TP53BP1: variants seen among roughly 807,000 people sequenced by gnomAD.
The protein encoded by TP53BP1 is TP53-binding protein 1.
Under a neutral mutation model 200.8 loss-of-function variants are expected in TP53BP1, and 61 were observed. That is an observed-to-expected ratio of 0.30 (90% CI 0.25 to 0.38). TP53BP1 has a LOEUF of 0.38. TP53BP1 is among the 10% of genes least tolerant of loss of function. The pLI is 1.00. For missense variants in TP53BP1, 2,144 were observed against 2,371.9 expected (o/e 0.90, Z 2.00); for synonymous variants, 822 against 844.3 (o/e 0.97, Z 0.46).
At chr15:43,434,437 T>C (rs1167993357) in intron 16 of TP53BP1, among the ~76,000 whole-genome samples, 1 of 152,230 alleles carries the variant, frequency 6.6e-6, no homozygotes, top group Non-Finnish European at 1.5e-5. Flanking sequence ...AATTCAATTA[T>C]TGTTGTTTCC....
At chr15:43,440,007 C>A (rs1399953713) in intron 15 of TP53BP1, among the ~76,000 whole-genome samples, 2 of 152,110 alleles carry the variant, frequency 1.3e-5, no homozygotes, top group Non-Finnish European at 2.9e-5. Context: ...ATACTAATAG[C>A]CCAATGAGGA....
chr15:43,461,128 C>T (rs1157207204), intron 11 of TP53BP1, among the ~76,000 whole-genome samples: 6 of 152,018 alleles, frequency 3.9e-5, no homozygotes, highest in East Asian at 1.9e-4. Context: ...AATGAAAGCA[C>T]ACTAATACTT....
Position 43,408,909 on chromosome 15 carries a change from C to CTT in TP53BP1, c.5586_5587dup (p.Arg1863LysfsTer16). ...TTCAAATACTTACCAGTCCAGAATT[C>CTT]TTTGCTCCTCAAGGCTGTACCCAGC... is the stretch of plus-strand genomic sequence containing the variant. On this transcript the variant is annotated frameshift_variant, in exon 26 of 28. Coordinates refer to ENST00000382044, the MANE Select transcript of TP53BP1 (RefSeq NM_001141980.3). LOFTEE classifies it high-confidence loss of function. 1 of 1,614,164 alleles carries CTT rather than the reference C, an allele frequency of 6.2e-7. No individual in the cohort carries two copies. Among genetic ancestry groups the CTT allele is most frequent in the Non-Finnish European group, 8.5e-7 (1 of 1,180,016 alleles).
In TP53BP1 at chr15:43,409,727, G is replaced by A. The variant is rs143892737; in HGVS notation, c.5320C>T (p.Pro1774Ser). 5 of 1,534,570 alleles carry A rather than the reference G, an allele frequency of 3.3e-6. No homozygotes were observed. In the African/African-American group the frequency reaches 7.1e-5, roughly 22 times the overall value. ...SEEEEEFLEI[P>S]PFNKQYTESQ... Reference sequence around the variant, plus strand: ...TCTGTATACTGCTTGTTGAAAGGAGGAATTTCCAAAAATTCTATATTAAAA... The same window carrying A: ...TCTGTATACTGCTTGTTGAAAGGAGAAATTTCCAAAAATTCTATATTAAAA... The change falls in exon 25 of 28, where the codon CCT (proline) becomes TCT (serine). Residue 1774 changes from proline to serine, a missense_variant. Physicochemically the swap from Pro to Ser is moderately conservative, Grantham distance 74 (BLOSUM62 -1). This residue lies in a region of TP53BP1 where 334 missense variants were observed against 453.4 expected (regional missense o/e 0.74). Transcript: ENST00000382044.
Position 43,492,317 on chromosome 15 carries a change from A to G in TP53BP1, c.159T>C (p.Pro53=), listed in dbSNP as rs779639606. The G allele has an allele frequency of 9.3e-6, 15 of 1,614,050 alleles. No individual in the cohort carries two copies. The Admixed American group carries it at 2.3e-4, about 25-fold the overall frequency. ...GATTTTCTTTGTGCGTCTGGAGATT[A>G]GGAAGGTGTCGAGATAGCATACTGA... ...SHFSMLSRHL[P]NLQTHKENPV... Residue 53 remains proline, a synonymous_variant, in exon 2 of 28, where the codon CCT becomes CCC. Transcript: ENST00000382044.
At chr15:43,421,696 A>G (rs2045402457) in intron 19 of TP53BP1, 159 bp downstream of exon 19, 1 of 1,101,426 alleles carries the variant, frequency 9.1e-7, no homozygotes, top group Non-Finnish European at 1.3e-6. Flanking sequence ...TTCCCACACA[A>G]ACCCAAAACA....
intron 16 of TP53BP1, among the ~76,000 whole-genome samples, chr15:43,435,726 T>C (rs1297592967): frequency 1.3e-5 from 2 of 152,044 alleles, no homozygotes; most frequent in Non-Finnish European, 2.9e-5. Context: ...GACATAACTC[T>C]CACTCTCTCG....
Position 43,480,961 on chromosome 15 carries a change from C to G in TP53BP1, c.433G>C (p.Glu145Gln), listed in dbSNP as rs1169798035. ...TCTTCCTTCTCTTTCTCCTTCTGTTCCAACTCTTCTCCCTTCTCTTCCTCC... is the reference window on the plus strand; with the variant it reads ...TCTTCCTTCTCTTTCTCCTTCTGTTGCAACTCTTCTCCCTTCTCTTCCTCC... ...AVEEEKGEELEQKEKEKEEDT... is the reference protein window; with the variant it reads ...AVEEEKGEELQQKEKEKEEDT... The change falls in exon 5 of 28, where the codon GAA becomes CAA. Residue 145 changes from glutamate to glutamine, a missense_variant. By Grantham distance (29) the Glu-to-Gln change is conservative. Transcript: ENST00000382044. The G allele has an allele frequency of 1.2e-6, 2 of 1,613,938 alleles. No individual in the cohort carries two copies. Among genetic ancestry groups the G allele is most frequent in the Non-Finnish European group, 1.7e-6 (2 of 1,179,966 alleles).
rs779092907 is a variant in TP53BP1, at chr15:43,420,743, G to A, written c.4251-8C>T. 42 of 1,608,642 alleles carry A rather than the reference G, an allele frequency of 2.6e-5. No homozygotes were observed. The highest frequency in any genetic ancestry group is 3.5e-5 in the Non-Finnish European group (41 of 1,177,274). ...CCAGGCACAGCTGTTTCTCTAAAGA[G>A]AGATAGGGGATAGGAGAAGCCGGTG... On this transcript the variant is annotated splice_polypyrimidine_tract_variant and splice_region_variant and intron_variant, in intron 20 of 27. Transcript: ENST00000382044.
intron 26 of TP53BP1, 191 bp downstream of exon 26, chr15:43,408,705 CA>C (rs1340250917): frequency 1.7e-6 from 1 of 593,684 alleles, no homozygotes; most frequent in African/African-American, 1.9e-5. Context: ...CACACATTTG[CA>C]AAAGGTTCCT....
At chr15:43,503,052 C>G (rs2079218078) in intron 1 of TP53BP1, among the ~76,000 whole-genome samples, 1 of 152,228 alleles carries the variant, frequency 6.6e-6, no homozygotes, top group African/African-American at 2.4e-5. Flanking sequence ...CTTGCCCGGC[C>G]TATCTTGTGT....
At chr15:43,454,575 C>T (rs2046250256) in intron 12 of TP53BP1, among the ~76,000 whole-genome samples, 1 of 151,882 alleles carries the variant, frequency 6.6e-6, no homozygotes. Context: ...GTTGGTCAGG[C>T]TAGTCTCAAA....
rs749486979 is a variant in TP53BP1 at position 43,421,173 on chromosome 15, G to A, written c.4102C>T (p.Pro1368Ser). 5 of 1,613,524 alleles carry A rather than the reference G, an allele frequency of 3.1e-6. No homozygotes were observed. The highest frequency in any genetic ancestry group is 1.7e-5 in the Admixed American group (1 of 59,906). ...SSRGGPGKLS[P>S]RKGVSQTGTP... The stretch of plus-strand genomic sequence containing the variant: ...CCTGTCTGACTGACCCCTTTTCTAG[G>A]ACTAGAGAATGAAGACAAGTTAGTC... The change falls in exon 20 of 28, where the codon CCT (proline) becomes TCT (serine). Residue 1368 changes from proline to serine, a missense_variant and splice_region_variant. Transcript: ENST00000382044.
intron 10 of TP53BP1, among the ~76,000 whole-genome samples, chr15:43,472,667 A>G (rs1029559460): frequency 4.6e-5 from 7 of 152,376 alleles, no homozygotes; most frequent in African/African-American, 1.7e-4. Context: ...TTCTCACCAG[A>G]AATGTGTTCA....
upstream of TP53BP1, chr15:43,493,202 C>T (rs914033271): frequency 1.2e-5 from 17 of 1,458,892 alleles, 1 homozygote; most frequent in Middle Eastern, 1.8e-4. Flanking sequence ...CCATTCGCTG[C>T]CGCCGCCCGC....
At chr15:43,453,454 T>C (rs1426965432) in intron 12 of TP53BP1, among the ~76,000 whole-genome samples, 1 of 152,066 alleles carries the variant, frequency 6.6e-6, no homozygotes, top group Non-Finnish European at 1.5e-5. Flanking sequence ...CTCACCTCTA[T>C]CATTAACTAG....
At chr15:43,465,551 G>T (rs2046555237) in intron 11 of TP53BP1, among the ~76,000 whole-genome samples, 1 of 151,996 alleles carries the variant, frequency 6.6e-6, no homozygotes. Flanking sequence ...ATTAAAAAAA[G>T]AAGAAGAACA....
intron 18 of TP53BP1, among the ~76,000 whole-genome samples, chr15:43,425,428 T>C (rs1023815211): frequency 6.6e-6 from 1 of 152,056 alleles, no homozygotes; most frequent in African/African-American, 2.4e-5. Flanking sequence ...TCAAGACCAG[T>C]CTGGGCAACA....
At position 43,485,810 on chromosome 15, in the gene TP53BP1, C is replaced by A. The variant is rs369005969; in HGVS notation, c.372-4788G>T. On this transcript the variant is annotated intron_variant, in intron 4 of 27. Transcript: ENST00000382044. ...GTGAGCCAAGATGGTGGTGCCACTG[C>A]GCTCCAGCCTGGGCAACAAAGCAAG... is the stretch of plus-strand genomic sequence containing the variant. Among the ~76,000 whole-genome samples, 6 of 151,760 alleles carry A rather than the reference C, an allele frequency of 4.0e-5. No individual in the cohort carries two copies. The South Asian group carries it at 6.2e-4, about 16-fold the overall frequency.
Sources: allele counts gnomAD v4.1 joint callset (sites outside exome capture counted in the v4.1 genomes callset), GRCh38; gene constraint gnomAD v4.1.1; regional missense constraint gnomAD v4.1.1; transcripts MANE v1.5; gene names NCBI Gene and HGNC (gene_info 2026-07-23, HGNC 2026-07-21).